The following EPHA10 variants were observed in gnomAD, a reference collection of about 807,000 sequenced individuals.
EPHA10 encodes the protein EPH receptor A10, also known as ephrin type-A receptor 10.
A neutral mutation model predicts 109.7 loss-of-function variants in EPHA10; 120 were observed. The ratio of observed to expected loss-of-function variants is 1.09; its 90% CI spans 0.94 to 1.27. The LOEUF is 1.27. Ranked by LOEUF, EPHA10 falls within the 50% of genes most tolerant of loss-of-function variation. The probability of loss-of-function intolerance (pLI) is 0.00; values close to 1 mark genes in which losing one functional copy is unlikely to be tolerated. For missense variants in EPHA10, 1,396 were observed against 1,411.1 expected, an observed-to-expected ratio of 0.99 and a Z score of 0.17; for synonymous variants, 640 against 618.9, an observed-to-expected ratio of 1.03 and a Z score of -0.51.
In EPHA10 at chr1:37,719,638, G is replaced by A. The variant is rs749809109; in HGVS notation, c.2563-31C>T. The A allele has an allele frequency of 3.1e-6, 5 of 1,610,048 alleles. No individual in the cohort carries two copies. The African/African-American group carries it at 5.3e-5, about 17-fold the overall frequency. ...CCACAGGGGTGGGGAGCAGAGAGGAGGCTCTGGGTTTCCCCAGCATATGGT... is the reference window on the plus strand; with the variant it reads ...CCACAGGGGTGGGGAGCAGAGAGGAAGCTCTGGGTTTCCCCAGCATATGGT... On this transcript the variant is annotated intron_variant, in intron 14 of 16. Coordinates refer to ENST00000373048, the MANE Select transcript of EPHA10 (RefSeq NM_001099439.2).
At chr1:37,759,495 GCT>G (rs1311434880) in intron 3 of EPHA10, among the ~76,000 whole-genome samples, 1 of 152,070 alleles carries the variant, frequency 6.6e-6, no homozygotes, top group African/African-American at 2.4e-5. Flanking sequence ...TGCTTCCTTA[GCT>G]CTCTGTTTAT....
intron 5 of EPHA10, among the ~76,000 whole-genome samples, chr1:37,736,440 C>A (rs1446236332): frequency 2.1e-5 from 3 of 139,756 alleles, no homozygotes. Context: ...CGTGCCATTG[C>A]ACTCCAGCCT....
Position 37,764,902 on chromosome 1 carries a change from C to T in EPHA10, c.106+59G>A. 6.7e-7 allele frequency: 1 copy of T among 1,484,452 alleles called. No homozygotes were observed. Among genetic ancestry groups the T allele is most frequent in the Non-Finnish European group, 9.2e-7 (1 of 1,091,566 alleles). The allele number at this position is 1,484,452 out of a possible 1,614,324, so 92.0% of individuals were successfully genotyped here. ...TGACTCCTTCCCCCAGAACCCCCAT[C>T]GCCAGCCCCCTATCTTTTGGTATGC... is the stretch of plus-strand genomic sequence containing the variant. On this transcript the variant is annotated intron_variant, in intron 1 of 16. Transcript: ENST00000373048. This position sits in a 1 kb window ranked among gnomAD's most constrained non-coding sequence, Gnocchi z 5.8.
rs1646352444 is a variant in EPHA10 at position 37,752,964 on chromosome 1, C to T, written c.1269G>A (p.Val423=). The change falls in exon 5 of 17, where the codon GTG becomes GTA. Residue 423 remains valine (V), a synonymous_variant. Transcript: ENST00000373048. Reference sequence around the variant, plus strand: ...AGACGCCGTTGAGCGCGGCCACGCGCACGGTGTAGCGCGCGCCGGGCCGCA... The same window carrying T: ...AGACGCCGTTGAGCGCGGCCACGCGTACGGTGTAGCGCGCGCCGGGCCGCA... The part of the protein sequence containing the change: ...LHLRPGARYT[V]RVAALNGVSG... 2 of 1,288,146 alleles carry T rather than the reference C, an allele frequency of 1.6e-6. No homozygotes were observed. The highest frequency in any genetic ancestry group is 2.0e-6 in the Non-Finnish European group (2 of 1,020,782). 79.8% of individuals were successfully genotyped at this position (1,288,146 alleles called of 1,614,324 possible).
intron 3 of EPHA10, 176 bp downstream of exon 3, chr1:37,761,229 T>C: frequency 1.3e-6 from 2 of 1,497,436 alleles, no homozygotes; most frequent in Non-Finnish European, 1.8e-6. Flanking sequence ...TCATTGGCCC[T>C]GACTGGACTC....
intron 7 of EPHA10, among the ~76,000 whole-genome samples, chr1:37,728,338 G>T (rs944861996): frequency 6.6e-6 from 1 of 152,300 alleles, no homozygotes; most frequent in African/African-American, 2.4e-5. Context: ...AGGGAGCAGT[G>T]GAGAGAGTTC....
rs181883798 is a variant in EPHA10 at position 37,723,075 on chromosome 1, C to T, written c.1926G>A (p.Ala642=). 7.4e-6 allele frequency: 12 copies of T among 1,614,088 alleles called. 1 individual carries two copies. The highest frequency in any genetic ancestry group is 6.7e-5 in the East Asian group (3 of 44,894). The change falls in exon 10 of 17, where the codon GCG becomes GCA. Residue 642 remains alanine, a synonymous_variant. Coordinates refer to ENST00000373048, the MANE Select transcript of EPHA10 (RefSeq NM_001099439.2). ...AVHLFAKELD[A]KSVTLERSLG... ...GGCTCCTCTCCAGCGTGACGCTTTTCGCATCCAGTTCCTTGGCGAACAGAT... is the reference window on the plus strand; with the variant it reads ...GGCTCCTCTCCAGCGTGACGCTTTTTGCATCCAGTTCCTTGGCGAACAGAT...
At chr1:37,736,278 A>G (rs907934103) in intron 5 of EPHA10, among the ~76,000 whole-genome samples, 4 of 152,076 alleles carry the variant, frequency 2.6e-5, no homozygotes. Context: ...GGAGTTCGAG[A>G]CCAGCCTGAT....
chr1:37,724,456 G>A (rs1371291161), intron 8 of EPHA10, among the ~76,000 whole-genome samples: 1 of 152,134 alleles, frequency 6.6e-6, no homozygotes, highest in African/African-American at 2.4e-5. Flanking sequence ...GATGGAGTCT[G>A]AGAAGAGGGA....
chr1:37,726,059 T>A (rs753411045), intron 8 of EPHA10, among the ~76,000 whole-genome samples: 1 of 152,222 alleles, frequency 6.6e-6, no homozygotes, highest in Non-Finnish European at 1.5e-5. Context: ...CACCTGTCCC[T>A]GGGGCGCTCC....
At chr1:37,743,887 T>A (rs1646191750) in intron 5 of EPHA10, among the ~76,000 whole-genome samples, 2 of 140,316 alleles carry the variant, frequency 1.4e-5, no homozygotes, top group Non-Finnish European at 1.6e-5. Flanking sequence ...CATCTGTGTA[T>A]ATATAGATAG....
chr1:37,743,177 G>T (rs2148348613), intron 5 of EPHA10, among the ~76,000 whole-genome samples: 1 of 152,072 alleles, frequency 6.6e-6, no homozygotes, highest in East Asian at 1.9e-4. Flanking sequence ...ACCAGAAATT[G>T]GGTATATGAA....
chr1:37,733,356 G>A (rs1265686714), intron 6 of EPHA10, among the ~76,000 whole-genome samples: 1 of 151,884 alleles, frequency 6.6e-6, no homozygotes, highest in Non-Finnish European at 1.5e-5. Context: ...CAAGTTGCTG[G>A]GACCACAGGC....
intron 5 of EPHA10, among the ~76,000 whole-genome samples, chr1:37,745,022 G>A (rs1646209464): frequency 6.6e-6 from 1 of 152,184 alleles, no homozygotes; most frequent in Non-Finnish European, 1.5e-5. Flanking sequence ...TGATGCGTCT[G>A]CGAGCCAAGG....
chr1:37,752,974 C>T lies in EPHA10; in HGVS notation c.1259G>A (p.Arg420His). Reference sequence around the variant, plus strand: ...GAGCGCGGCCACGCGCACGGTGTAGCGCGCGCCGGGCCGCAGGTGCAGCAG... The same window carrying T: ...GAGCGCGGCCACGCGCACGGTGTAGTGCGCGCCGGGCCGCAGGTGCAGCAG... ...ATLLHLRPGA[R>H]YTVRVAALNG... The change falls in exon 5 of 17, where the codon CGC (arginine) becomes CAC (histidine). Residue 420 changes from arginine to histidine, a missense_variant. Physicochemically the swap from Arg to His is conservative, Grantham distance 29. Transcript: ENST00000373048. The T allele has an allele frequency of 5.5e-6, 7 of 1,261,270 alleles. No homozygotes were observed. Among genetic ancestry groups the T allele is most frequent in the Admixed American group, 4.2e-5 (1 of 24,038 alleles). 78.1% of individuals were successfully genotyped at this position (1,261,270 alleles called of 1,614,324 possible). A position where few individuals can be genotyped will look rare whatever the true frequency, so the allele number is the denominator to read the frequency against.
At chr1:37,728,237 A>T (rs1645926244) in intron 7 of EPHA10, among the ~76,000 whole-genome samples, 1 of 152,134 alleles carries the variant, frequency 6.6e-6, no homozygotes, top group Non-Finnish European at 1.5e-5. Context: ...AGGAAGCTGG[A>T]GGGTGGGAAG....
chr1:37,718,482 G>C lies in EPHA10; in HGVS notation c.2917C>G (p.Leu973Val), dbSNP rs748503258. The part of the protein sequence containing the change: ...EAVAEMTAQD[L>V]VSLGISLAEH... ...GCCAAAGAGATGCCTAGGCTCACCA[G>C]GTCCCTGAAACAAAGGCTGGTCACA... is the stretch of plus-strand genomic sequence containing the variant. Residue 973 changes from leucine (L) to valine (V), a missense_variant, in exon 17 of 17, where the codon CTG becomes GTG. By Grantham distance (32) the Leu-to-Val change is conservative. Coordinates refer to ENST00000373048, the MANE Select transcript of EPHA10 (RefSeq NM_001099439.2). 1.4e-5 allele frequency: 23 copies of C among 1,613,332 alleles called. No individual in the cohort carries two copies. The highest frequency in any genetic ancestry group is 1.9e-5 in the Non-Finnish European group (22 of 1,180,022).
In EPHA10 at chr1:37,716,290, G is replaced by A; in HGVS notation, c.*2082C>T. ...CGAAGTCCTGCCAACACAGCCAGGG[G>A]CCCTTCTGCAGAAACAGCTGGGGTA... On this transcript the variant is annotated 3_prime_UTR_variant, in exon 17 of 17. Transcript: ENST00000373048. 3.9e-6 allele frequency: 1 copy of A among 253,394 alleles called. No homozygotes were observed. The highest frequency in any genetic ancestry group is 7.6e-6 in the Non-Finnish European group (1 of 131,194). 15.7% of individuals were successfully genotyped at this position (253,394 alleles called of 1,614,324 possible).
chr1:37,749,657 A>G (rs1259104105), intron 5 of EPHA10, among the ~76,000 whole-genome samples: 1 of 151,788 alleles, frequency 6.6e-6, no homozygotes, highest in Non-Finnish European at 1.5e-5. Context: ...TGGGTGATAG[A>G]GCAAGACTCC....
Sources: gnomAD v4.1 joint callset for allele counts (sites outside exome capture counted in the v4.1 genomes callset) on GRCh38, gnomAD v4.1.1 for gene constraint, Gnocchi (gnomAD v3.1) non-coding constraint, MANE v1.5 for transcripts, NCBI Gene and HGNC (gene_info 2026-07-23, HGNC 2026-07-21) for gene names.